The following GLG1 variants were observed in gnomAD, a reference collection of about 807,000 sequenced individuals.
GLG1 encodes the protein golgi glycoprotein 1.
A neutral mutation model predicts 160.5 loss-of-function variants in GLG1; 38 were observed. The observed-to-expected ratio is 0.24, with a 90% confidence interval of 0.18 to 0.31. The LOEUF (loss-of-function observed/expected upper bound fraction) is 0.31. GLG1 is among the 10% of genes least tolerant of loss of function. The probability of loss-of-function intolerance (pLI) is 1.00; values close to 1 mark genes in which losing one functional copy is unlikely to be tolerated. For missense variants in GLG1, 1,373 were observed against 1,505.2 expected (o/e 0.91, Z 1.45); for synonymous variants, 644 against 543.4 (o/e 1.19, Z -2.57).
intron 11 of GLG1, among the ~76,000 whole-genome samples, chr16:74,480,020 C>T (rs939463875): frequency 7.2e-5 from 11 of 152,062 alleles, no homozygotes; most frequent in Non-Finnish European, 1.3e-4. Flanking sequence ...AAATCTTCCC[C>T]CACCCACTTT....
chr16:74,529,071 A>C (rs1369666097), intron 2 of GLG1, among the ~76,000 whole-genome samples: 2 of 151,288 alleles, frequency 1.3e-5, no homozygotes, highest in East Asian at 3.9e-4. Context: ...GATTCAAGCA[A>C]TTCTCCCGCC....
chr16:74,529,815 T>TG (rs2017472737), intron 2 of GLG1, among the ~76,000 whole-genome samples: 1 of 133,056 alleles, frequency 7.5e-6, no homozygotes, highest in South Asian at 2.7e-4. Flanking sequence ...GAGAGTTCTT[T>TG]TTTTTTTTTT....
chr16:74,477,977 A>AAAATAAATAAAT (rs140504819), intron 11 of GLG1, among the ~76,000 whole-genome samples: 28,599 of 139,640 alleles, frequency 0.2, 3,068 homozygotes, highest in Middle Eastern at 0.26. Context: ...CCGTCTCAAA[A>AAAATAAATAAAT]AAATAAATAA....
chr16:74,477,977 A>AAAACAAATAAATAAAT (rs55773213), intron 11 of GLG1, among the ~76,000 whole-genome samples: 6,896 of 140,126 alleles, frequency 0.049, 229 homozygotes, highest in East Asian at 0.066. Context: ...CCGTCTCAAA[A>AAAACAAATAAATAAAT]AAATAAATAA....
intron 20 of GLG1, 179 bp from the exon 21 acceptor site, chr16:74,462,809 T>A: frequency 1.6e-6 from 1 of 627,390 alleles, no homozygotes; most frequent in South Asian, 2.0e-5. Context: ...GCAATATGAC[T>A]TGTTAACGAG....
At chr16:74,463,593 G>A (rs1660297279) in intron 19 of GLG1, 114 bp from the exon 20 acceptor site, 1 of 1,015,976 alleles carries the variant, frequency 9.8e-7, no homozygotes, top group Non-Finnish European at 1.5e-6. Flanking sequence ...AGGCTGGAGT[G>A]CAGTGGCGCA....
At chr16:74,560,976 T>G (rs999695329) in intron 1 of GLG1, among the ~76,000 whole-genome samples, 3 of 152,284 alleles carry the variant, frequency 2.0e-5, no homozygotes, top group African/African-American at 7.2e-5. Context: ...ATTTAAAGGT[T>G]ATTTCAAATT....
intron 1 of GLG1, among the ~76,000 whole-genome samples, chr16:74,597,068 A>G (rs1348778922): frequency 6.6e-6 from 1 of 151,648 alleles, no homozygotes; most frequent in African/African-American, 2.4e-5. Flanking sequence ...GCAGTGAATC[A>G]TGATCATGCC....
chr16:74,470,334 TTTCCTTCCCTCCTTCC>T lies in GLG1; in HGVS notation c.2230-277_2230-262del, dbSNP rs1166628594. Among the ~76,000 whole-genome samples, 211 of 133,962 alleles carry T rather than the reference TTTCCTTCCCTCCTTCC, an allele frequency of 1.6e-3. 1 individual carries two copies. The highest frequency in any genetic ancestry group is 3.1e-3 in the South Asian group (11 of 3,588). 87.9% of individuals were successfully genotyped at this position (133,962 alleles called of 152,430 possible). ...CCTCCCTCCTTCCTTCCTTTCCTTC[TTTCCTTCCCTCCTTCC>T]TTCCTTCCCTCCTTCCTTCCTTCCC... On this transcript the variant is annotated intron_variant, in intron 15 of 25. Transcript: ENST00000422840.
At chr16:74,499,728 G>A (rs909069574) in intron 4 of GLG1, among the ~76,000 whole-genome samples, 3 of 152,210 alleles carry the variant, frequency 2.0e-5, no homozygotes, top group African/African-American at 7.2e-5. Context: ...TTCTGGCTGG[G>A]CACGGTGGCT....
At chr16:74,492,911 C>T (rs1358203032) in intron 7 of GLG1, 46 bp downstream of exon 7, 4 of 1,249,460 alleles carry the variant, frequency 3.2e-6, no homozygotes, top group Non-Finnish European at 4.4e-6. Context: ...AGTGTGAATC[C>T]AAAAAGGAAC....
intron 2 of GLG1, among the ~76,000 whole-genome samples, chr16:74,511,582 T>A (rs1354969629): frequency 7.9e-6 from 1 of 126,740 alleles, no homozygotes; most frequent in South Asian, 2.4e-4. Flanking sequence ...AACCTTTTTT[T>A]TTTAAAAAAA....
At chr16:74,490,873 T>G (rs906641306) in intron 8 of GLG1, 128 bp downstream of exon 8, 1 of 663,582 alleles carries the variant, frequency 1.5e-6, no homozygotes, top group East Asian at 2.6e-5. Flanking sequence ...CAGTCTCTGA[T>G]CATTAGTACC....
intron 1 of GLG1, among the ~76,000 whole-genome samples, chr16:74,577,774 C>T (rs776127348): frequency 2.6e-5 from 4 of 151,830 alleles, no homozygotes; most frequent in Non-Finnish European, 5.9e-5. Flanking sequence ...CCACCATGAC[C>T]GGTTAATTTT....
intron 8 of GLG1, among the ~76,000 whole-genome samples, chr16:74,490,539 T>C (rs1311145432): frequency 6.6e-6 from 1 of 152,230 alleles, no homozygotes; most frequent in East Asian, 1.9e-4. Flanking sequence ...TGCCATGCGG[T>C]AAATTAGTAA....
intron 2 of GLG1, among the ~76,000 whole-genome samples, chr16:74,511,729 T>C (rs1481328572): frequency 1.3e-5 from 2 of 151,996 alleles, no homozygotes; most frequent in Non-Finnish European, 1.5e-5. Flanking sequence ...GAATGCAAAG[T>C]CAGATGTCCT....
intron 16 of GLG1, 200 bp from the exon 17 acceptor site, chr16:74,469,263 C>T (rs897356815): frequency 1.5e-5 from 9 of 589,034 alleles, no homozygotes; most frequent in Non-Finnish European, 2.8e-5. Flanking sequence ...CAGGCAGCAG[C>T]ATGAATGCTG....
intron 2 of GLG1, among the ~76,000 whole-genome samples, chr16:74,511,443 G>C (rs1490610353): frequency 6.6e-6 from 1 of 152,060 alleles, no homozygotes; most frequent in African/African-American, 2.4e-5. Context: ...CCTGAGGTCA[G>C]GAGTTCAAGA....
chr16:74,599,120 T>C (rs1567549832), intron 1 of GLG1, among the ~76,000 whole-genome samples: 1 of 152,192 alleles, frequency 6.6e-6, no homozygotes, highest in African/African-American at 2.4e-5. Flanking sequence ...AAAAAGTATT[T>C]GCCATAAACG....
Sources: allele counts gnomAD v4.1 joint callset (sites outside exome capture counted in the v4.1 genomes callset), GRCh38; gene constraint gnomAD v4.1.1; transcripts MANE v1.5; gene names NCBI Gene and HGNC (gene_info 2026-07-23, HGNC 2026-07-21).